PTRH1: variants seen among roughly 807,000 people sequenced by gnomAD.
PTRH1 encodes peptidyl-tRNA hydrolase.
A neutral mutation model predicts 15.7 loss-of-function variants in PTRH1; 13 were observed. The observed-to-expected ratio is 0.83, with a 90% CI of 0.54 to 1.31. The LOEUF is 1.31. Among genes scored for constraint, PTRH1 ranks in the 40% most tolerant of loss-of-function variants. PTRH1 has a pLI of 0.00. For missense variants in PTRH1, 319 were observed against 296.2 expected (o/e 1.08, Z -0.56); for synonymous variants, 139 against 136.7 (o/e 1.02, Z -0.12).
Position 127,714,689 on chromosome 9 carries a change from C to A in PTRH1, c.330G>T (p.Gly110=). The A allele has an allele frequency of 6.2e-7, 1 of 1,612,720 alleles. No individual in the cohort carries two copies. The highest frequency in any genetic ancestry group is 8.5e-7 in the Non-Finnish European group (1 of 1,179,376). ...RSVARAAELF[G]LTAEEVYLVH... is the part of the protein sequence containing the mutation. Reference sequence around the variant, plus strand: ...CCAGGTAGACTTCCTCGGCAGTCAGCCCAAACAGCTCCGCTTAGCACAGGG... The same window carrying A: ...CCAGGTAGACTTCCTCGGCAGTCAGACCAAACAGCTCCGCTTAGCACAGGG... The change falls in exon 3 of 5, where the codon GGG becomes GGT. Residue 110 remains glycine, a synonymous_variant. Coordinates refer to ENST00000543175, the MANE Select transcript of PTRH1 (RefSeq NM_001002913.3).
chr9:127,714,152 A>AGAT lies in PTRH1; in HGVS notation c.592_593insATC (p.Asp197_Leu198insHis). On this transcript the variant is annotated inframe_insertion, in exon 5 of 5. Coordinates refer to ENST00000543175, the MANE Select transcript of PTRH1 (RefSeq NM_001002913.3). ...TCGCTCACGGATGTGGTCCAAGATC[A>AGAT]GGTCGGTGGCTCGATCCAGCAACAG... 7 of 1,613,838 alleles carry AGAT rather than the reference A, an allele frequency of 4.3e-6. No individual in the cohort carries two copies. Among genetic ancestry groups the AGAT allele is most frequent in the Non-Finnish European group, 5.1e-6 (6 of 1,179,986 alleles).
downstream of PTRH1, chr9:127,712,009 C>T: frequency 1.9e-6 from 3 of 1,555,594 alleles, no homozygotes; most frequent in Non-Finnish European, 2.6e-6. Flanking sequence ...AGCTCTGGCC[C>T]AGCTCTTTCC....
At chr9:127,696,674 A>G (rs1466982547) in intron 1 of PTRH1, among the ~76,000 whole-genome samples, 4 of 152,198 alleles carry the variant, frequency 2.6e-5, no homozygotes, top group Non-Finnish European at 5.9e-5. Flanking sequence ...AGCCTGGCCA[A>G]CATGGTGAAA....
At chr9:127,713,283 AG>A (rs1380847561), downstream of PTRH1, 1 of 1,114,706 alleles carries the variant, frequency 9.0e-7, no homozygotes, top group Non-Finnish European at 1.3e-6. Flanking sequence ...GCCAGGCCAC[AG>A]CTGTGTGGCC....
intron 2 of PTRH1, chr9:127,694,877 G>A (rs564441335): frequency 6.0e-6 from 4 of 662,560 alleles, no homozygotes; most frequent in Non-Finnish European, 1.1e-5. Flanking sequence ...CTGGGTACAG[G>A]AAGCAGAAGG....
chr9:127,701,804 C>T (rs1435728166), intron 1 of PTRH1, among the ~76,000 whole-genome samples: 1 of 151,784 alleles, frequency 6.6e-6, no homozygotes, highest in South Asian at 2.1e-4. Flanking sequence ...ATCCCAGCTA[C>T]TCGGGAGGCT....
At position 127,714,584 on chromosome 9, in the gene PTRH1, G is replaced by A. The variant is rs1842873044; in HGVS notation, c.416+19C>T. The stretch of plus-strand genomic sequence containing the variant: ...AGGCCTGAAGCCCTATCCCAACCCT[G>A]ACCATCTCAGGACCTCACCTGGCAC... On this transcript the variant is annotated intron_variant, in intron 3 of 4. Coordinates refer to ENST00000543175, the MANE Select transcript of PTRH1 (RefSeq NM_001002913.3). The A allele has an allele frequency of 1.2e-6, 2 of 1,611,110 alleles. No individual in the cohort carries two copies. Among genetic ancestry groups the A allele is most frequent in the Admixed American group, 1.7e-5 (1 of 59,944 alleles).
intron 3 of PTRH1, 86 bp downstream of exon 3, chr9:127,714,517 C>T: frequency 6.3e-7 from 1 of 1,595,442 alleles, no homozygotes; most frequent in Non-Finnish European, 8.6e-7. Context: ...AGCCCATTTC[C>T]TGTGGAGACT....
chr9:127,709,430 G>T (rs766299570), downstream of PTRH1: 1 of 1,613,334 alleles, frequency 6.2e-7, no homozygotes, highest in East Asian at 2.2e-5. This position sits in a 1 kb window ranked among gnomAD's most constrained non-coding sequence, Gnocchi z 4.7. Flanking sequence ...AGGTACCAGC[G>T]GAAGTGGGAT....
At chr9:127,711,418 G>A, downstream of PTRH1, 1 of 1,614,172 alleles carries the variant, frequency 6.2e-7, no homozygotes, top group Non-Finnish European at 8.5e-7. Flanking sequence ...AGGGAAGACA[G>A]AACAATCTGT....
chr9:127,711,916 T>C, downstream of PTRH1: 1 of 1,605,226 alleles, frequency 6.2e-7, no homozygotes, highest in Non-Finnish European at 8.5e-7. Context: ...GGAGCAGAGA[T>C]CCCTGCAGCT....
chr9:127,713,385 C>A, downstream of PTRH1: 2 of 532,294 alleles, frequency 3.8e-6, no homozygotes, highest in Non-Finnish European at 6.4e-6. Context: ...CAAAGCATGC[C>A]CACACATGCC....
chr9:127,697,665 A>G (rs1328763844), intron 1 of PTRH1, among the ~76,000 whole-genome samples: 1 of 152,152 alleles, frequency 6.6e-6, no homozygotes, highest in Non-Finnish European at 1.5e-5. Flanking sequence ...TGTCTCAAAC[A>G]AAAACAAAAA....
downstream of PTRH1, chr9:127,713,727 G>A (rs1025002016): frequency 4.2e-5 from 37 of 889,774 alleles, no homozygotes; most frequent in Middle Eastern, 5.9e-4. Flanking sequence ...GGCTGGTCTC[G>A]AACTCCTGAC....
At chr9:127,712,657 G>A (rs745605379), downstream of PTRH1, 1 of 1,613,654 alleles carries the variant, frequency 6.2e-7, no homozygotes, top group Non-Finnish European at 8.5e-7. Context: ...CCTGGACGAG[G>A]GTGGGTACTG....
chr9:127,709,559 A>T, downstream of PTRH1: 1 of 1,614,054 alleles, frequency 6.2e-7, no homozygotes, highest in Non-Finnish European at 8.5e-7. This position sits in a 1 kb window ranked among gnomAD's most constrained non-coding sequence, Gnocchi z 4.7. Flanking sequence ...GAGATCACAG[A>T]CCTCAACGAG....
intron 1 of PTRH1, chr9:127,695,350 T>C (rs1842550368): frequency 3.7e-6 from 2 of 540,162 alleles, no homozygotes; most frequent in African/African-American, 3.8e-5. Context: ...GACAGGATAG[T>C]GCATTTATAT....
chr9:127,703,043 A>G (rs1466334022), intron 1 of PTRH1, among the ~76,000 whole-genome samples: 1 of 151,696 alleles, frequency 6.6e-6, no homozygotes, highest in Non-Finnish European at 1.5e-5. Flanking sequence ...GAAATAACCA[A>G]TCCACTTTTT....
chr9:127,703,867 C>A (rs1418777363), intron 1 of PTRH1, among the ~76,000 whole-genome samples: 1 of 152,212 alleles, frequency 6.6e-6, no homozygotes, highest in Non-Finnish European at 1.5e-5. Flanking sequence ...AGAAGAGCTT[C>A]CACGCTCCAG....
Sources: gnomAD v4.1 joint callset for allele counts (sites outside exome capture counted in the v4.1 genomes callset) on GRCh38, gnomAD v4.1.1 for gene constraint, Gnocchi (gnomAD v3.1) non-coding constraint, MANE v1.5 for transcripts, NCBI Gene and HGNC (gene_info 2026-07-23, HGNC 2026-07-21) for gene names.